PPP2R5A: variants seen among roughly 807,000 people sequenced by gnomAD.
PPP2R5A encodes serine/threonine-protein phosphatase 2A 56 kDa regulatory subunit alpha isoform.
Under a neutral mutation model 64.2 loss-of-function variants are expected in PPP2R5A, and 25 were observed. The ratio of observed to expected loss-of-function variants is 0.39; its 90% CI spans 0.28 to 0.54. The LOEUF (loss-of-function observed/expected upper bound fraction) is 0.54, where lower values mean the gene tolerates loss of function less well. Among genes scored for constraint, PPP2R5A ranks in the 20% least tolerant of loss-of-function variants. PPP2R5A has a pLI of 0.67. For missense variants in PPP2R5A, 425 were observed against 576.3 expected (o/e 0.74, Z 2.69); for synonymous variants, 198 against 201.2 (o/e 0.98, Z 0.13).
At chr1:212,336,218 G>A (rs1182902701) in intron 3 of PPP2R5A, among the ~76,000 whole-genome samples, 4 of 152,270 alleles carry the variant, frequency 2.6e-5, no homozygotes, top group Non-Finnish European at 5.9e-5. Context: ...AAGTTCAGAT[G>A]ATTCTCCTGC....
At chr1:212,341,739 A>G (rs953746707) in intron 3 of PPP2R5A, among the ~76,000 whole-genome samples, 2 of 152,014 alleles carry the variant, frequency 1.3e-5, no homozygotes, top group Non-Finnish European at 2.9e-5. Context: ...TTGTTTATTT[A>G]TTTATTTATT....
chr1:212,346,649 G>A (rs970722268), intron 5 of PPP2R5A, among the ~76,000 whole-genome samples: 1 of 152,146 alleles, frequency 6.6e-6, no homozygotes, highest in Non-Finnish European at 1.5e-5. Context: ...AGGGCCAAGT[G>A]TACTTTATAA....
chr1:212,292,763 C>T (rs1658623842), intron 1 of PPP2R5A, among the ~76,000 whole-genome samples: 1 of 152,186 alleles, frequency 6.6e-6, no homozygotes, highest in African/African-American at 2.4e-5. Context: ...CAAGTTCTCG[C>T]TATGTTGTCC....
chr1:212,359,324 C>A, intron 12 of PPP2R5A, among the ~76,000 whole-genome samples: 1 of 152,128 alleles, frequency 6.6e-6, no homozygotes, highest in East Asian at 1.9e-4. Context: ...TTAAAGTCAG[C>A]ATAGTTCTCC....
chr1:212,293,937 G>T (rs895709207), intron 1 of PPP2R5A, among the ~76,000 whole-genome samples: 1 of 152,112 alleles, frequency 6.6e-6, no homozygotes, highest in Non-Finnish European at 1.5e-5. Flanking sequence ...TTTCATCAGA[G>T]AAGTTTTCTT....
At chr1:212,322,567 T>C (rs1659327282) in intron 1 of PPP2R5A, among the ~76,000 whole-genome samples, 1 of 152,114 alleles carries the variant, frequency 6.6e-6, no homozygotes, top group South Asian at 2.1e-4. Context: ...TTGCATGTCT[T>C]GAACCTACAA....
At chr1:212,331,969 T>C (rs1659513106) in intron 2 of PPP2R5A, among the ~76,000 whole-genome samples, 1 of 152,226 alleles carries the variant, frequency 6.6e-6, no homozygotes. Context: ...TTCTGAATAT[T>C]TGTTATATAC....
chr1:212,326,240 A>G (rs1404358044), intron 1 of PPP2R5A, among the ~76,000 whole-genome samples: 1 of 145,610 alleles, frequency 6.9e-6, no homozygotes, highest in Admixed American at 7.0e-5. Context: ...TGCAAATTCA[A>G]TGTTTTTTTT....
At chr1:212,311,198 A>G (rs1220937655) in intron 1 of PPP2R5A, among the ~76,000 whole-genome samples, 5 of 152,206 alleles carry the variant, frequency 3.3e-5, no homozygotes, top group African/African-American at 9.7e-5. Context: ...GCTGCCAGGC[A>G]TGGTGGCTCA....
At chr1:212,298,820 G>T (rs1658741894) in intron 1 of PPP2R5A, among the ~76,000 whole-genome samples, 1 of 39,112 alleles carries the variant, frequency 2.6e-5, no homozygotes, top group Non-Finnish European at 4.8e-5. Context: ...TTCCCAGTAG[G>T]GGCGGCCGGG....
At chr1:212,318,602 G>T (rs1659203769) in intron 1 of PPP2R5A, among the ~76,000 whole-genome samples, 1 of 152,284 alleles carries the variant, frequency 6.6e-6, no homozygotes, top group Admixed American at 6.5e-5. Flanking sequence ...ATAGTAGTCT[G>T]AATTGCTCCT....
intron 12 of PPP2R5A, among the ~76,000 whole-genome samples, chr1:212,359,468 T>C (rs1266634726): frequency 2.0e-5 from 3 of 152,240 alleles, no homozygotes. Context: ...TGATTACCTC[T>C]TTTTGAGAAT....
chr1:212,317,921 G>A (rs1659189290), intron 1 of PPP2R5A, among the ~76,000 whole-genome samples: 1 of 151,684 alleles, frequency 6.6e-6, no homozygotes, highest in Admixed American at 6.6e-5. Context: ...GGGAGGCAGA[G>A]GTTGCAGTGA....
intron 1 of PPP2R5A, among the ~76,000 whole-genome samples, chr1:212,290,626 A>G (rs977719038): frequency 3.3e-5 from 5 of 152,180 alleles, no homozygotes; most frequent in Admixed American, 3.3e-4. Flanking sequence ...ACCCATTTTA[A>G]CATCTTTAGA....
At chr1:212,289,329 TC>T (rs749109333) in intron 1 of PPP2R5A, among the ~76,000 whole-genome samples, 15 of 152,218 alleles carry the variant, frequency 9.9e-5, no homozygotes, top group Non-Finnish European at 1.9e-4. Flanking sequence ...TGTTTGATAA[TC>T]CATGGCTCAT....
chr1:212,336,999 C>G (rs1353365038), intron 3 of PPP2R5A, among the ~76,000 whole-genome samples: 1 of 152,016 alleles, frequency 6.6e-6, no homozygotes, highest in Non-Finnish European at 1.5e-5. Context: ...TAAACATGTG[C>G]TAATAAAAGT....
chr1:212,310,469 A>C (rs1387613940), intron 1 of PPP2R5A, among the ~76,000 whole-genome samples: 1 of 152,132 alleles, frequency 6.6e-6, no homozygotes, highest in Non-Finnish European at 1.5e-5. Context: ...TTTTGGGAAA[A>C]GATGAAGAGC....
intron 1 of PPP2R5A, among the ~76,000 whole-genome samples, chr1:212,308,798 A>G (rs967884078): frequency 3.9e-5 from 6 of 152,066 alleles, no homozygotes; most frequent in African/African-American, 1.4e-4. Flanking sequence ...TTCAGATTGC[A>G]TAATTTCTGT....
At chr1:212,329,482 A>G (rs1267196646) in intron 2 of PPP2R5A, 151 bp downstream of exon 2, 4 of 675,880 alleles carry the variant, frequency 5.9e-6, no homozygotes, top group African/African-American at 3.7e-5. Context: ...TTCCAATGAT[A>G]CCATCATTGC....
Sources: gnomAD v4.1 joint callset for allele counts (sites outside exome capture counted in the v4.1 genomes callset) on GRCh38, gnomAD v4.1.1 for gene constraint, MANE v1.5 for transcripts, NCBI Gene and HGNC (gene_info 2026-07-23, HGNC 2026-07-21) for gene names.